The following RABGAP1L variants were observed in gnomAD, a reference collection of about 807,000 sequenced individuals.
The protein encoded by RABGAP1L is RAB GTPase activating protein 1 like, also known as rab GTPase-activating protein 1-like.
Under a neutral mutation model 137.7 loss-of-function variants are expected in RABGAP1L, and 63 were observed. That is an observed-to-expected ratio of 0.46 (90% CI 0.37 to 0.56). The LOEUF is 0.56. Among genes scored for constraint, RABGAP1L ranks in the 20% least tolerant of loss-of-function variants. The pLI, the probability that RABGAP1L is intolerant of heterozygous loss-of-function variation, is 0.00. For missense variants in RABGAP1L, 1,095 were observed against 1,244.0 expected (o/e 0.88, Z 1.80); for synonymous variants, 431 against 433.7 (o/e 0.99, Z 0.08).
intron 19 of RABGAP1L, among the ~76,000 whole-genome samples, chr1:174,947,543 G>A (rs900864991): frequency 8.6e-5 from 13 of 151,760 alleles, no homozygotes; most frequent in African/African-American, 2.2e-4. Context: ...TCAGCCTCCC[G>A]AGTAGCTGGG....
chr1:174,293,906 A>G (rs1199697347), intron 10 of RABGAP1L, among the ~76,000 whole-genome samples: 1 of 152,128 alleles, frequency 6.6e-6, no homozygotes, highest in Non-Finnish European at 1.5e-5. Flanking sequence ...TTACAATACT[A>G]GATGATAATG....
At chr1:174,530,265 G>A (rs1185747963) in intron 13 of RABGAP1L, among the ~76,000 whole-genome samples, 1 of 152,072 alleles carries the variant, frequency 6.6e-6, no homozygotes, top group African/African-American at 2.4e-5. Flanking sequence ...GTTTGCTCAT[G>A]TCTAAGCCAC....
intron 13 of RABGAP1L, among the ~76,000 whole-genome samples, chr1:174,588,809 C>T (rs1486860072): frequency 6.6e-6 from 1 of 152,066 alleles, no homozygotes; most frequent in Non-Finnish European, 1.5e-5. Flanking sequence ...AATAGTACTC[C>T]ATTGTGTACA....
At chr1:174,710,114 A>C (rs1680366672) in intron 17 of RABGAP1L, among the ~76,000 whole-genome samples, 1 of 152,222 alleles carries the variant, frequency 6.6e-6, no homozygotes. Context: ...AAGATTAGAG[A>C]ACAAAGAATG....
intron 20 of RABGAP1L, among the ~76,000 whole-genome samples, chr1:174,964,593 G>A (rs1198643624): frequency 1.3e-5 from 2 of 152,164 alleles, no homozygotes; most frequent in African/African-American, 4.8e-5. Flanking sequence ...GTCATATAAG[G>A]AAGTTCCTTC....
intron 13 of RABGAP1L, among the ~76,000 whole-genome samples, chr1:174,431,663 A>G (rs1652646251): frequency 1.3e-5 from 2 of 152,202 alleles, no homozygotes; most frequent in South Asian, 2.1e-4. Context: ...TGTGTTTGCT[A>G]TGCACATAGA....
chr1:174,304,811 A>G (rs1678044724), intron 10 of RABGAP1L, among the ~76,000 whole-genome samples, 175 bp from the exon 11 acceptor site: 1 of 152,224 alleles, frequency 6.6e-6, no homozygotes, highest in Non-Finnish European at 1.5e-5. Context: ...ATAAATTTAG[A>G]ATATCCTGTG....
rs151292139 is a variant in RABGAP1L at position 174,587,899 on chromosome 1, T to C, written c.1711-49476T>C. Among the ~76,000 whole-genome samples the C allele has an allele frequency of 1.2e-3, 183 of 152,326 alleles. 1 individual carries two copies. Among genetic ancestry groups the C allele is most frequent in the African/African-American group, 3.6e-3 (148 of 41,578 alleles). Reference sequence around the variant, plus strand: ...TATTTTTTGAAACAGAGTGTCACTTTGTCACCCAGACTGGAGTGCAGTGGC... The same window carrying C: ...TATTTTTTGAAACAGAGTGTCACTTCGTCACCCAGACTGGAGTGCAGTGGC... On this transcript the variant is annotated intron_variant, in intron 13 of 25. Coordinates refer to ENST00000681986, the MANE Select transcript of RABGAP1L (RefSeq NM_001366446.1).
intron 19 of RABGAP1L, among the ~76,000 whole-genome samples, chr1:174,931,059 T>C (rs996113083): frequency 6.6e-6 from 1 of 152,190 alleles, no homozygotes; most frequent in African/African-American, 2.4e-5. Context: ...CATCCCATCA[T>C]TGTCCCCTCT....
chr1:174,207,168 T>C (rs1449550378), intron 1 of RABGAP1L, among the ~76,000 whole-genome samples: 1 of 152,102 alleles, frequency 6.6e-6, no homozygotes, highest in Non-Finnish European at 1.5e-5. Flanking sequence ...AACATAAAAA[T>C]CTTTTGTCAG....
intron 18 of RABGAP1L, among the ~76,000 whole-genome samples, chr1:174,789,362 C>T (rs1399538002): frequency 6.6e-6 from 1 of 152,138 alleles, no homozygotes; most frequent in Non-Finnish European, 1.5e-5. Context: ...TATGTAAAAA[C>T]ATGGGTTCAG....
chr1:174,874,402 C>T (rs1011538249), intron 19 of RABGAP1L: 2 of 917,276 alleles, frequency 2.2e-6, no homozygotes, highest in African/African-American at 3.6e-5. Flanking sequence ...AAATGACTTG[C>T]CCGGGGACGG....
At chr1:174,256,431 A>T (rs1010980144) in intron 7 of RABGAP1L, among the ~76,000 whole-genome samples, 1 of 152,108 alleles carries the variant, frequency 6.6e-6, no homozygotes, top group Non-Finnish European at 1.5e-5. Flanking sequence ...TCTTCCCACT[A>T]TGATTACTTT....
chr1:174,806,571 G>A (rs1287252724), intron 18 of RABGAP1L, among the ~76,000 whole-genome samples: 2 of 152,170 alleles, frequency 1.3e-5, no homozygotes, highest in Non-Finnish European at 2.9e-5. Context: ...TTGTGCTACC[G>A]CACTTCAGAC....
chr1:174,720,137 G>A lies in RABGAP1L; in HGVS notation c.2169+17881G>A, dbSNP rs115847497. Among the ~76,000 whole-genome samples the A allele has an allele frequency of 9.5e-3, 1,445 of 152,224 alleles. 25 individuals carry two copies. The highest frequency in any genetic ancestry group is 0.033 in the African/African-American group (1,385 of 41,526). Reference sequence around the variant, plus strand: ...ATTAACAGAATGGAAATACACTCACGTATTTGTGGGCATTTGATTTTCAAC... The same window carrying A: ...ATTAACAGAATGGAAATACACTCACATATTTGTGGGCATTTGATTTTCAAC... On this transcript the variant is annotated intron_variant, in intron 17 of 25. Coordinates refer to ENST00000681986, the MANE Select transcript of RABGAP1L (RefSeq NM_001366446.1).
At chr1:174,768,332 C>T (rs377471682) in intron 18 of RABGAP1L, among the ~76,000 whole-genome samples, 14 of 152,200 alleles carry the variant, frequency 9.2e-5, no homozygotes, top group African/African-American at 3.4e-4. Flanking sequence ...GTAGCTTGCG[C>T]CAGGGAAAGG....
At chr1:174,372,181 G>A (rs1160045618) in intron 12 of RABGAP1L, among the ~76,000 whole-genome samples, 3 of 151,702 alleles carry the variant, frequency 2.0e-5, no homozygotes, top group Non-Finnish European at 4.4e-5. Flanking sequence ...TAATCAAAAG[G>A]GTCAGAATCT....
intron 19 of RABGAP1L, among the ~76,000 whole-genome samples, chr1:174,889,870 C>T (rs1194440062): frequency 1.3e-5 from 2 of 152,154 alleles, no homozygotes; most frequent in Admixed American, 1.3e-4. Context: ...GCTAGGACTG[C>T]AGGCACATAC....
chr1:174,226,938 G>A (rs920043233), intron 3 of RABGAP1L, among the ~76,000 whole-genome samples: 1 of 152,034 alleles, frequency 6.6e-6, no homozygotes, highest in Non-Finnish European at 1.5e-5. Flanking sequence ...TGTTTATGGT[G>A]TGGCTTGCAA....
Sources: gnomAD v4.1 joint callset for allele counts (sites outside exome capture counted in the v4.1 genomes callset) on GRCh38, gnomAD v4.1.1 for gene constraint, MANE v1.5 for transcripts, NCBI Gene and HGNC (gene_info 2026-07-23, HGNC 2026-07-21) for gene names.